Variants in ZBTB46 observed in about 807,000 individuals in gnomAD.
The protein encoded by ZBTB46 is zinc finger and BTB domain-containing protein 46.
In ZBTB46, 8 loss-of-function variants were observed where a neutral mutation model predicts 44.1. The observed-to-expected ratio is 0.18, with a 90% CI of 0.11 to 0.33. The LOEUF (loss-of-function observed/expected upper bound fraction) is 0.33. Among genes scored for constraint, ZBTB46 ranks in the 10% least tolerant of loss-of-function variants. The pLI is 1.00. For missense variants in ZBTB46, 651 were observed against 847.7 expected, an observed-to-expected ratio of 0.77 and a Z score of 2.88; for synonymous variants, 409 against 382.3, an observed-to-expected ratio of 1.07 and a Z score of -0.81.
chr20:63,833,280 G>A (rs1600746355), upstream of ZBTB46, among the ~76,000 whole-genome samples: 1 of 152,328 alleles, frequency 6.6e-6, no homozygotes, highest in Middle Eastern at 3.4e-3. Flanking sequence ...GCCAGGTTAG[G>A]GCTGCCTGTC....
At chr20:63,755,964 G>A (rs949873469) in intron 3 of ZBTB46, among the ~76,000 whole-genome samples, 2 of 152,188 alleles carry the variant, frequency 1.3e-5, no homozygotes, top group Non-Finnish European at 2.9e-5. Context: ...ACTGAGAAGC[G>A]ATGCTATCAG....
intron 3 of ZBTB46, among the ~76,000 whole-genome samples, chr20:63,761,781 C>CA (rs35095876): frequency 0.013 from 1,668 of 126,492 alleles, 33 homozygotes; most frequent in African/African-American, 0.018. Context: ...GACTCTGCCT[C>CA]AAAAAAAAAA....
At chr20:63,781,192 G>T in intron 2 of ZBTB46, among the ~76,000 whole-genome samples, 2 of 145,534 alleles carry the variant, frequency 1.4e-5, no homozygotes, top group African/African-American at 2.5e-5. Flanking sequence ...AAGGCCAAGA[G>T]AAAATATTTT....
intron 3 of ZBTB46, among the ~76,000 whole-genome samples, chr20:63,773,054 C>CA (rs1297564200): frequency 2.0e-5 from 3 of 152,172 alleles, no homozygotes; most frequent in African/African-American, 4.8e-5. Context: ...ACAGGGCCCA[C>CA]AGCTCGTATG....
intron 1 of ZBTB46, among the ~76,000 whole-genome samples, chr20:63,796,685 C>A (rs151096778): frequency 6.6e-6 from 1 of 151,632 alleles, no homozygotes; most frequent in Non-Finnish European, 1.5e-5. Context: ...ATTAGCAGGA[C>A]GTGATGGCAG....
chr20:63,823,562 G>A lies in ZBTB46; in HGVS notation c.-34+7535C>T, dbSNP rs554655533. ...ACAAAAATAAAAAAATTGGCCGGGT[G>A]TGGTGGTGCGTGCTTGTAGTCCCAG... On this transcript the variant is annotated intron_variant, in intron 1 of 4. Coordinates refer to ENST00000245663, the MANE Select transcript of ZBTB46 (RefSeq NM_001369741.1). Among the ~76,000 whole-genome samples, 82 of 152,044 alleles carry A rather than the reference G, an allele frequency of 5.4e-4. 1 individual carries two copies. The highest frequency in any genetic ancestry group is 1.8e-3 in the African/African-American group (75 of 41,462).
intron 1 of ZBTB46, among the ~76,000 whole-genome samples, chr20:63,802,702 G>T (rs1382977472): frequency 3.0e-5 from 4 of 134,422 alleles, no homozygotes; most frequent in Admixed American, 7.7e-5. Flanking sequence ...GCCGACGACC[G>T]AACCTCAGGC....
chr20:63,761,936 A>G (rs2092281510), intron 3 of ZBTB46, among the ~76,000 whole-genome samples: 2 of 152,182 alleles, frequency 1.3e-5, no homozygotes, highest in Non-Finnish European at 2.9e-5. Flanking sequence ...GTCAGAGAAT[A>G]TACTCTCTGA....
chr20:63,759,157 T>G (rs911824280), intron 3 of ZBTB46, among the ~76,000 whole-genome samples: 1 of 152,234 alleles, frequency 6.6e-6, no homozygotes, highest in Non-Finnish European at 1.5e-5. Flanking sequence ...GGTCTTTGCA[T>G]ATTTTTTGTT....
upstream of ZBTB46, among the ~76,000 whole-genome samples, chr20:63,832,635 T>C (rs893799373): frequency 1.3e-5 from 2 of 152,034 alleles, no homozygotes; most frequent in African/African-American, 4.8e-5. This position sits in a 1 kb window ranked among gnomAD's most constrained non-coding sequence, Gnocchi z 5.0. Flanking sequence ...CGCCTGGAAA[T>C]GGCTGTGCGG....
rs778259313 is a variant in ZBTB46 at position 63,790,314 on chromosome 20, G to C, written c.444C>G (p.Ala148=). ...SDELAEFEIG[A]SSSSSTEALI... ...GAGCTTCCGTGCTGCTGCTGGACGA[G>C]GCGCCGATCTCGAACTCCGCAAGCT... The change falls in exon 2 of 5, where the codon GCC becomes GCG. Residue 148 remains alanine, a synonymous_variant. Coordinates refer to ENST00000245663, the MANE Select transcript of ZBTB46 (RefSeq NM_001369741.1). The C allele has an allele frequency of 1.4e-5, 23 of 1,612,966 alleles. No homozygotes were observed. The highest frequency in any genetic ancestry group is 2.7e-5 in the African/African-American group (2 of 74,938).
At chr20:63,753,660 GCCGAGGGCTGCT>G (rs1403119085) in intron 3 of ZBTB46, among the ~76,000 whole-genome samples, 4 of 152,246 alleles carry the variant, frequency 2.6e-5, no homozygotes, top group African/African-American at 9.6e-5. Context: ...GCACGCATGT[GCCGAGGGCTGCT>G]CACCCTGGGA....
intron 2 of ZBTB46, among the ~76,000 whole-genome samples, chr20:63,778,604 G>A (rs958603773): frequency 2.0e-5 from 3 of 152,216 alleles, no homozygotes; most frequent in African/African-American, 7.2e-5. Context: ...CACACGGGGT[G>A]AGTCCAGCCT....
At chr20:63,780,188 T>C (rs956590353) in intron 2 of ZBTB46, among the ~76,000 whole-genome samples, 1 of 151,612 alleles carries the variant, frequency 6.6e-6, no homozygotes, top group Non-Finnish European at 1.5e-5. Flanking sequence ...GGAAAATCGC[T>C]TGAACCAGGG....
At chr20:63,756,971 T>C (rs900636074) in intron 3 of ZBTB46, among the ~76,000 whole-genome samples, 2 of 152,240 alleles carry the variant, frequency 1.3e-5, no homozygotes, top group African/African-American at 2.4e-5. Context: ...TAAGTTCTCA[T>C]TATTTCTGTT....
At position 63,746,741 on chromosome 20, in the gene ZBTB46, G is replaced by C; in HGVS notation, c.*189C>G. 1 of 877,964 alleles carries C rather than the reference G, an allele frequency of 1.1e-6. No homozygotes were observed. Among genetic ancestry groups the C allele is most frequent in the Non-Finnish European group, 1.6e-6 (1 of 617,382 alleles). The allele number at this position is 877,964 out of a possible 1,614,324, so 54.4% of individuals were successfully genotyped here. A position where few individuals can be genotyped will look rare whatever the true frequency, so the allele number is the denominator to read the frequency against. On this transcript the variant is annotated 3_prime_UTR_variant, in exon 5 of 5. Coordinates refer to ENST00000245663, the MANE Select transcript of ZBTB46 (RefSeq NM_001369741.1). The stretch of plus-strand genomic sequence containing the variant: ...AACTCACTTCATGTCTGGTCCCAGA[G>C]CACCCCTCTTGCTGGGGTCGCACCT...
chr20:63,784,923 G>A (rs957994570), intron 2 of ZBTB46, among the ~76,000 whole-genome samples: 11 of 152,206 alleles, frequency 7.2e-5, no homozygotes, highest in Non-Finnish European at 1.3e-4. Context: ...GTGACCACTT[G>A]ACATGTGTCC....
intron 4 of ZBTB46, among the ~76,000 whole-genome samples, chr20:63,748,656 G>C (rs1007414747): frequency 4.6e-5 from 7 of 152,154 alleles, no homozygotes; most frequent in African/African-American, 1.7e-4. Context: ...CTCTGAGGTG[G>C]GCTGGCCTCA....
chr20:63,801,187 G>A (rs1047330112), intron 1 of ZBTB46, among the ~76,000 whole-genome samples: 2 of 152,048 alleles, frequency 1.3e-5, no homozygotes, highest in Non-Finnish European at 2.9e-5. Flanking sequence ...GAACCTTTAT[G>A]TCTAGCTGAG....
Sources: allele counts gnomAD v4.1 joint callset (sites outside exome capture counted in the v4.1 genomes callset), GRCh38; gene constraint gnomAD v4.1.1; non-coding constraint Gnocchi (gnomAD v3.1); transcripts MANE v1.5; gene names NCBI Gene and HGNC (gene_info 2026-07-23, HGNC 2026-07-21).